CADPS: variants seen among roughly 807,000 people sequenced by gnomAD.
The protein encoded by CADPS is calcium-dependent secretion activator 1.
A neutral mutation model predicts 167.3 loss-of-function variants in CADPS; 57 were observed. The observed-to-expected ratio is 0.34, with a 90% CI of 0.28 to 0.42. The LOEUF is 0.42. Ranked by LOEUF, CADPS falls within the 20% of genes least tolerant of loss-of-function variation. The pLI, the probability that CADPS is intolerant of heterozygous loss-of-function variation, is 1.00. For synonymous variants in CADPS, 676 were observed against 635.3 expected (o/e 1.06, Z -0.96); for missense variants, 1,414 against 1,738.1 (o/e 0.81, Z 3.32).
chr3:62,792,778 T>C (rs2093061605), intron 1 of CADPS, among the ~76,000 whole-genome samples: 1 of 151,952 alleles, frequency 6.6e-6, no homozygotes, highest in South Asian at 2.1e-4. Context: ...TTTTATTTTT[T>C]GTAGGGACAG....
intron 28 of CADPS, among the ~76,000 whole-genome samples, chr3:62,408,166 T>C (rs567325802): frequency 6.6e-6 from 1 of 152,306 alleles, no homozygotes; most frequent in Admixed American, 6.5e-5. Flanking sequence ...TGACTTCATG[T>C]AGAGAAATCC....
At chr3:62,578,617 T>TAAA (rs59984256) in intron 8 of CADPS, among the ~76,000 whole-genome samples, 3 of 77,886 alleles carry the variant, frequency 3.9e-5, no homozygotes, top group African/African-American at 9.2e-5. Flanking sequence ...CTCAAAAAAA[T>TAAA]AAAAAAAAAA....
At chr3:62,841,227 G>C (rs972061313) in intron 1 of CADPS, among the ~76,000 whole-genome samples, 2 of 152,178 alleles carry the variant, frequency 1.3e-5, no homozygotes, top group African/African-American at 4.8e-5. Flanking sequence ...TAGTAAGTAA[G>C]AGAAGAAAAC....
chr3:62,542,738 T>C (rs1479898185), intron 11 of CADPS, among the ~76,000 whole-genome samples: 3 of 152,192 alleles, frequency 2.0e-5, no homozygotes, highest in African/African-American at 2.4e-5. Flanking sequence ...TTAAAACTAC[T>C]ATGGCAATAC....
chr3:62,733,152 CTA>C (rs111780373), intron 3 of CADPS, among the ~76,000 whole-genome samples: 15 of 152,326 alleles, frequency 9.8e-5, no homozygotes, highest in African/African-American at 3.4e-4. Flanking sequence ...CCACTCTAAC[CTA>C]ACTCATTACT....
intron 21 of CADPS, among the ~76,000 whole-genome samples, chr3:62,483,959 T>C (rs1309420561): frequency 1.3e-5 from 2 of 152,174 alleles, no homozygotes; most frequent in Non-Finnish European, 2.9e-5. Flanking sequence ...TAGGAGTGCA[T>C]AACATACAAA....
rs546526721 is a variant in CADPS at position 62,741,864 on chromosome 3, T to C, written c.888+11577A>G. 4.6e-5 allele frequency among the ~76,000 whole-genome samples: 7 copies of C among 152,282 alleles called. No homozygotes were observed. The East Asian group carries it at 1.4e-3, about 29-fold the overall frequency. On this transcript the variant is annotated intron_variant, in intron 3 of 29. Coordinates refer to ENST00000383710, the MANE Select transcript of CADPS (RefSeq NM_003716.4). ...TGTTTGCAGATGACATGATCCTATA[T>C]CTATAAATCCCACACAGTCTCAGCC...
In CADPS at chr3:62,544,870, GC is replaced by G; in HGVS notation, c.1966+5032del. 8.0e-7 allele frequency: 1 copy of G among 1,245,750 alleles called. No homozygotes were observed. Among genetic ancestry groups the G allele is most frequent in the Non-Finnish European group, 1.0e-6 (1 of 967,742 alleles). The allele number at this position is 1,245,750 out of a possible 1,614,324, so 77.2% of individuals were successfully genotyped here. A position where few individuals can be genotyped will look rare whatever the true frequency, so the allele number is the denominator to read the frequency against. On this transcript the variant is annotated intron_variant, in intron 11 of 29. Coordinates refer to ENST00000383710, the MANE Select transcript of CADPS (RefSeq NM_003716.4). The surrounding 1 kb of genome is among the most constrained non-coding windows in gnomAD (Gnocchi z 4.4). ...TACCCTTCAGTCCAGCTAGAAGTTA[GC>G]AGGGTAAGAAGGAACAAACCAGAAT...
chr3:62,469,140 G>A (rs1483676870), intron 24 of CADPS, among the ~76,000 whole-genome samples: 1 of 152,070 alleles, frequency 6.6e-6, no homozygotes, highest in Non-Finnish European at 1.5e-5. Flanking sequence ...AGCAGAGCAG[G>A]GTAATAATTA....
chr3:62,682,483 A>G (rs376074338), intron 3 of CADPS, among the ~76,000 whole-genome samples: 8 of 152,208 alleles, frequency 5.3e-5, no homozygotes, highest in African/African-American at 1.9e-4. Flanking sequence ...TTCAGAAATC[A>G]TCTGTGAAAT....
chr3:62,592,770 T>C, intron 6 of CADPS, 22 bp from the exon 7 acceptor site: 1 of 1,564,638 alleles, frequency 6.4e-7, no homozygotes, highest in South Asian at 1.1e-5. Context: ...ATCAAAGAGG[T>C]CATTGTAGAC....
chr3:62,583,465 T>A (rs1381215735), intron 8 of CADPS, among the ~76,000 whole-genome samples: 1 of 152,096 alleles, frequency 6.6e-6, no homozygotes, highest in Non-Finnish European at 1.5e-5. Context: ...CATTCTAATT[T>A]AATCGAAGAA....
At chr3:62,844,139 T>C (rs1288989606) in intron 1 of CADPS, among the ~76,000 whole-genome samples, 1 of 152,054 alleles carries the variant, frequency 6.6e-6, no homozygotes, top group Non-Finnish European at 1.5e-5. Context: ...TAGGAAAGGA[T>C]GGGGGAAAAA....
intron 6 of CADPS, among the ~76,000 whole-genome samples, chr3:62,639,575 G>C (rs2067008468): frequency 6.6e-6 from 1 of 152,112 alleles, no homozygotes; most frequent in African/African-American, 2.4e-5. Context: ...TAATACTAAA[G>C]CCTGGCAAAT....
In CADPS at chr3:62,514,264, A is replaced by G. The variant is rs148961011; in HGVS notation, c.2582-1496T>C. On this transcript the variant is annotated intron_variant, in intron 16 of 29. Coordinates refer to ENST00000383710, the MANE Select transcript of CADPS (RefSeq NM_003716.4). The surrounding 1 kb of genome is among the most constrained non-coding windows in gnomAD (Gnocchi z 4.2). ...GCAATGTCTCAGCCTATGGTGGACT[A>G]TGTTCATGAAAGAAAACCTGATACA... Among the ~76,000 whole-genome samples the G allele has an allele frequency of 3.9e-5, 6 of 152,206 alleles. No homozygotes were observed. Among genetic ancestry groups the G allele is most frequent in the African/African-American group, 1.4e-4 (6 of 41,554 alleles).
intron 28 of CADPS, among the ~76,000 whole-genome samples, chr3:62,414,188 A>C (rs2049546112): frequency 6.6e-6 from 1 of 152,192 alleles, no homozygotes; most frequent in Non-Finnish European, 1.5e-5. Context: ...ACCGTGAACC[A>C]CATCACCTCA....
At chr3:62,608,668 C>A (rs903062072) in intron 6 of CADPS, among the ~76,000 whole-genome samples, 2 of 152,060 alleles carry the variant, frequency 1.3e-5, no homozygotes, top group Admixed American at 6.6e-5. Flanking sequence ...TTATAGTTAT[C>A]TTTATATATT....
chr3:62,424,594 G>C lies in CADPS; in HGVS notation c.3777+13510C>G, dbSNP rs377637554. On this transcript the variant is annotated intron_variant, in intron 28 of 29. Coordinates refer to ENST00000383710, the MANE Select transcript of CADPS (RefSeq NM_003716.4). The stretch of plus-strand genomic sequence containing the variant: ...ACCCAGAGCATTAGACTTGGCTTCA[G>C]ATGCTCAATAAGGTGGAAAACAGAA... Among the ~76,000 whole-genome samples the C allele has an allele frequency of 8.5e-5, 13 of 152,326 alleles. No homozygotes were observed. The South Asian group carries it at 1.4e-3, about 17-fold the overall frequency.
chr3:62,664,910 T>G (rs542449571), intron 3 of CADPS, among the ~76,000 whole-genome samples: 1 of 152,342 alleles, frequency 6.6e-6, no homozygotes, highest in South Asian at 2.1e-4. Context: ...CTTAATTTAT[T>G]CTTTTATTCA....
Sources: gnomAD v4.1 joint callset for allele counts (sites outside exome capture counted in the v4.1 genomes callset) on GRCh38, gnomAD v4.1.1 for gene constraint, Gnocchi (gnomAD v3.1) non-coding constraint, MANE v1.5 for transcripts, NCBI Gene and HGNC (gene_info 2026-07-23, HGNC 2026-07-21) for gene names.